RYR3: variants seen among roughly 807,000 people sequenced by gnomAD.
RYR3 encodes brain ryanodine receptor-calcium release channel.
RYR3 carries 207 observed loss-of-function variants against 584.3 expected under a neutral mutation model. The observed-to-expected ratio is 0.35, with a 90% CI of 0.32 to 0.40. The LOEUF is 0.40. RYR3 is among the 10% of genes least tolerant of loss of function. The pLI is 1.00. For synonymous variants in RYR3, 2,416 were observed against 2,248.5 expected (o/e 1.07, Z -2.11); for missense variants, 5,616 against 6,089.2 (o/e 0.92, Z 2.59).
At chr15:33,830,204 A>C (rs2077595185) in intron 85 of RYR3, among the ~76,000 whole-genome samples, 1 of 152,200 alleles carries the variant, frequency 6.6e-6, no homozygotes, top group South Asian at 2.1e-4. Context: ...AAAGGAAGTC[A>C]GTTGATGCAG....
intron 26 of RYR3, 41 bp from the exon 27 acceptor site, chr15:33,636,335 A>T: frequency 6.3e-7 from 1 of 1,577,100 alleles, no homozygotes; most frequent in Non-Finnish European, 8.7e-7. Context: ...TGGGGCCTCT[A>T]GAGACTCCAT....
At chr15:33,629,793 T>A (rs2061177668) in intron 21 of RYR3, 147 bp from the exon 22 acceptor site, 5 of 578,558 alleles carry the variant, frequency 8.6e-6, no homozygotes, top group Non-Finnish European at 1.5e-5. Context: ...AGAGAGATCA[T>A]CTGTTTGCCG....
Position 33,663,650 on chromosome 15 carries a change from C to T in RYR3, c.5532C>T (p.Arg1844=). ...VSKLQANQKF[R]YNELMQALNM... Reference sequence around the variant, plus strand: ...AGCTGCAGGCAAATCAGAAGTTCCGCTACAATGAGCTCATGCAGGCCCTGA... The same window carrying T: ...AGCTGCAGGCAAATCAGAAGTTCCGTTACAATGAGCTCATGCAGGCCCTGA... The change falls in exon 36 of 104, where the codon CGC becomes CGT. Residue 1844 remains arginine, a synonymous_variant. Coordinates refer to ENST00000634891, the MANE Select transcript of RYR3 (RefSeq NM_001036.6). 1 of 1,613,124 alleles carries T rather than the reference C, an allele frequency of 6.2e-7. No individual in the cohort carries two copies. The highest frequency in any genetic ancestry group is 8.5e-7 in the Non-Finnish European group (1 of 1,179,654).
chr15:33,443,192 G>A (rs1166579748), intron 1 of RYR3, among the ~76,000 whole-genome samples: 1 of 151,892 alleles, frequency 6.6e-6, no homozygotes, highest in Non-Finnish European at 1.5e-5. Flanking sequence ...TAGGGAGGAG[G>A]AGGTTGCAGT....
intron 3 of RYR3, among the ~76,000 whole-genome samples, chr15:33,521,144 C>T (rs1297755099): frequency 6.6e-6 from 1 of 152,030 alleles, no homozygotes; most frequent in African/African-American, 2.4e-5. Context: ...CTCTAGGTTA[C>T]CATAGCATCT....
At chr15:33,588,070 G>C (rs530590351) in intron 16 of RYR3, among the ~76,000 whole-genome samples, 1 of 152,330 alleles carries the variant, frequency 6.6e-6, no homozygotes, top group East Asian at 1.9e-4. Context: ...TCCCACAAGA[G>C]CAACAACAGT....
chr15:33,458,811 A>G (rs1203831485), intron 1 of RYR3, among the ~76,000 whole-genome samples: 2 of 152,210 alleles, frequency 1.3e-5, no homozygotes, highest in African/African-American at 4.8e-5. Flanking sequence ...CCTGCAAACA[A>G]TAGCCTTTGG....
intron 38 of RYR3, among the ~76,000 whole-genome samples, chr15:33,676,977 G>T (rs1381284191): frequency 1.3e-5 from 2 of 152,148 alleles, no homozygotes; most frequent in African/African-American, 2.4e-5. Flanking sequence ...TACCTCCTTT[G>T]TGCCCGGTAC....
intron 1 of RYR3, among the ~76,000 whole-genome samples, chr15:33,385,699 C>T (rs55753222): frequency 1.3e-4 from 9 of 70,510 alleles, no homozygotes; most frequent in East Asian, 3.1e-4. Context: ...CTTTTTTTTT[C>T]TTTTTCTTTT....
In RYR3 at chr15:33,670,458, C is replaced by T. The variant is rs745885446; in HGVS notation, c.5762C>T (p.Thr1921Ile). The T allele has an allele frequency of 8.1e-6, 13 of 1,612,980 alleles. No individual in the cohort carries two copies. The highest frequency in any genetic ancestry group is 1.1e-5 in the Non-Finnish European group (13 of 1,179,562). ...GAAGAGGAAGAGGAGGAGGAGGACA[C>T]CTCCTGGACAGGAAAACTCTGTGCC... ...LEEEEEEEED[T>I]SWTGKLCALV... The change falls in exon 38 of 104, where the codon ACC becomes ATC. Residue 1921 changes from threonine (T) to isoleucine (I), a missense_variant. Physicochemically the swap from Thr to Ile is moderately conservative, Grantham distance 89. This residue lies in a region of RYR3 where 1,280 missense variants were observed against 1,426.2 expected (regional missense o/e 0.90). Coordinates refer to ENST00000634891, the MANE Select transcript of RYR3 (RefSeq NM_001036.6).
At chr15:33,463,752 C>T (rs2572190) in intron 1 of RYR3, among the ~76,000 whole-genome samples, 14,464 of 152,148 alleles carry the variant, frequency 0.095, 796 homozygotes, top group African/African-American at 0.13. Flanking sequence ...GGCTGAGTAG[C>T]TTTTATGGTC....
chr15:33,441,595 G>A (rs1383022534), intron 1 of RYR3, among the ~76,000 whole-genome samples: 1 of 151,866 alleles, frequency 6.6e-6, no homozygotes, highest in African/African-American at 2.4e-5. Flanking sequence ...TCTAGACTCT[G>A]AGACACTTAA....
At chr15:33,372,894 T>G (rs1202739029) in intron 1 of RYR3, among the ~76,000 whole-genome samples, 1 of 152,194 alleles carries the variant, frequency 6.6e-6, no homozygotes, top group Non-Finnish European at 1.5e-5. Context: ...AATTTTGCTT[T>G]CTCCAAAGTC....
chr15:33,845,675 T>C (rs574646604), intron 93 of RYR3, among the ~76,000 whole-genome samples: 31 of 152,342 alleles, frequency 2.0e-4, no homozygotes, highest in African/African-American at 5.5e-4. Flanking sequence ...TTGAATTTCA[T>C]AGAACTAGAG....
At chr15:33,405,439 G>A (rs1489935148) in intron 1 of RYR3, among the ~76,000 whole-genome samples, 1 of 152,172 alleles carries the variant, frequency 6.6e-6, no homozygotes, top group Non-Finnish European at 1.5e-5. Flanking sequence ...GGGACTATGG[G>A]AGGTTTTGTC....
chr15:33,673,450 G>C (rs1003683494), intron 38 of RYR3, among the ~76,000 whole-genome samples: 3 of 152,170 alleles, frequency 2.0e-5, no homozygotes, highest in Admixed American at 2.0e-4. Flanking sequence ...AATGAAAGCT[G>C]TTACAATATT....
Position 33,739,891 on chromosome 15 carries a change from C to G in RYR3, c.7716C>G (p.Ala2572=). Residue 2572 remains alanine, a synonymous_variant, in exon 51 of 104, where the codon GCC becomes GCG. Transcript: ENST00000634891. ...ALPCLSAIAG[A]LPPDYLDTRI... is the part of the protein sequence containing the mutation. ...CTTGTCTCAGTGCTATAGCTGGGGC[C>G]TTGCCACCAGATTATTTAGATACCA... 2 of 1,613,688 alleles carry G rather than the reference C, an allele frequency of 1.2e-6. No homozygotes were observed. The highest frequency in any genetic ancestry group is 2.2e-5 in the East Asian group (1 of 44,864).
intron 12 of RYR3, among the ~76,000 whole-genome samples, chr15:33,575,217 G>A (rs536691555): frequency 9.2e-5 from 14 of 152,032 alleles, no homozygotes; most frequent in Non-Finnish European, 1.9e-4. Context: ...TTAGATCATT[G>A]AGACAGAAAA....
rs1285283586 is a variant in RYR3, at chr15:33,826,260, C to G, written c.11155C>G (p.Arg3719Gly). The G allele has an allele frequency of 6.2e-7, 1 of 1,613,636 alleles. No individual in the cohort carries two copies. Among genetic ancestry groups the G allele is most frequent in the South Asian group, 1.1e-5 (1 of 91,052 alleles). ...MVTEEGTLIVRERGEKVLQND... is the reference protein window; with the variant it reads ...MVTEEGTLIVGERGEKVLQND... ...TTTTCTCTCATTACCAGTCATTGTT[C>G]GGGAACGTGGTAAGTTTCAGTTTCT... Residue 3719 changes from arginine to glycine, a missense_variant, in exon 83 of 104, where the codon CGG becomes GGG. Transcript: ENST00000634891.
Sources: allele counts gnomAD v4.1 joint callset (sites outside exome capture counted in the v4.1 genomes callset), GRCh38; gene constraint gnomAD v4.1.1; regional missense constraint gnomAD v4.1.1; transcripts MANE v1.5; gene names NCBI Gene and HGNC (gene_info 2026-07-23, HGNC 2026-07-21).